Variants in CD28 observed in about 807,000 individuals in gnomAD.
CD28 encodes the protein CD28 molecule, also known as T-cell-specific surface glycoprotein CD28.
Under a neutral mutation model 21.4 loss-of-function variants are expected in CD28, and 8 were observed. The observed-to-expected ratio is 0.37, with a 90% CI of 0.22 to 0.68. The LOEUF is 0.68. Ranked by LOEUF, CD28 falls within the 30% of genes least tolerant of loss-of-function variation. The probability of loss-of-function intolerance (pLI) is 0.55; values close to 1 mark genes in which losing one functional copy is unlikely to be tolerated. For synonymous variants in CD28, 106 were observed against 104.0 expected, an observed-to-expected ratio of 1.02 and a Z score of -0.12; for missense variants, 239 against 272.2, an observed-to-expected ratio of 0.88 and a Z score of 0.86.
chr2:203,726,725 A>AG lies in CD28; in HGVS notation c.148dup (p.Glu50GlyfsTer12). 4 of 1,614,128 alleles carry AG rather than the reference A, an allele frequency of 2.5e-6. No homozygotes were observed. The highest frequency in any genetic ancestry group is 3.4e-6 in the Non-Finnish European group (4 of 1,180,008). On this transcript the variant is annotated frameshift_variant, in exon 2 of 4. Transcript: ENST00000324106. LOFTEE classifies it high-confidence loss of function. Reference sequence around the variant, plus strand: ...CAAGTATTCCTACAATCTCTTCTCAAGGGAGTTCCGGGCATCCCTTCACAA... The same window carrying AG: ...CAAGTATTCCTACAATCTCTTCTCAAGGGGAGTTCCGGGCATCCCTTCACAA...
chr2:203,729,873 A>G (rs924393461), intron 3 of CD28, 101 bp downstream of exon 3: 28 of 1,194,534 alleles, frequency 2.3e-5, no homozygotes, highest in Non-Finnish European at 2.6e-5. Context: ...TGTTTAATAT[A>G]GGATGATGAT....
chr2:203,725,588 T>A (rs906258126), intron 1 of CD28, among the ~76,000 whole-genome samples: 4 of 152,200 alleles, frequency 2.6e-5, no homozygotes, highest in Non-Finnish European at 5.9e-5. Flanking sequence ...GATAAACTAG[T>A]TTCAGGTTCT....
At chr2:203,715,035 C>A (rs1693429074) in intron 1 of CD28, among the ~76,000 whole-genome samples, 1 of 152,126 alleles carries the variant, frequency 6.6e-6, no homozygotes, top group Non-Finnish European at 1.5e-5. Context: ...GTGATTTAGG[C>A]AGAATGGAAC....
chr2:203,710,375 A>G (rs1693280479), intron 1 of CD28, among the ~76,000 whole-genome samples: 1 of 152,250 alleles, frequency 6.6e-6, no homozygotes, highest in Non-Finnish European at 1.5e-5. Flanking sequence ...CAAAATTAAT[A>G]TCAATATATC....
intron 1 of CD28, among the ~76,000 whole-genome samples, chr2:203,718,739 C>T (rs1251844465): frequency 1.3e-5 from 2 of 152,066 alleles, no homozygotes; most frequent in Non-Finnish European, 1.5e-5. Flanking sequence ...TATGGTGCTA[C>T]GATAAAGAAA....
At chr2:203,710,347 C>T (rs751929578) in intron 1 of CD28, among the ~76,000 whole-genome samples, 4 of 152,170 alleles carry the variant, frequency 2.6e-5, no homozygotes, top group East Asian at 1.9e-4. Flanking sequence ...CCAGCAAGGA[C>T]GTTTACAGCA....
upstream of CD28, chr2:203,706,580 G>A: frequency 6.3e-7 from 1 of 1,591,532 alleles, no homozygotes; most frequent in Non-Finnish European, 8.6e-7. Context: ...TGGCGGTGGT[G>A]GTGGCCGTGG....
chr2:203,706,792 G>T lies in CD28; in HGVS notation c.52+44G>T, dbSNP rs767599444. On this transcript the variant is annotated intron_variant, in intron 1 of 3. Transcript: ENST00000324106. ...TTTCTTTCTGTAAATATTTTTTGAG[G>T]TCTTCCAATTGGCTTAGTTTATTTT... 2.8e-6 allele frequency: 4 copies of T among 1,438,484 alleles called. No individual in the cohort carries two copies. In the South Asian group the frequency reaches 3.5e-5, roughly 12 times the overall value. The allele number at this position is 1,438,484 out of a possible 1,614,324, so 89.1% of individuals were successfully genotyped here.
At chr2:203,724,210 T>C (rs1693681347) in intron 1 of CD28, among the ~76,000 whole-genome samples, 1 of 152,130 alleles carries the variant, frequency 6.6e-6, no homozygotes, top group Admixed American at 6.5e-5. Flanking sequence ...AGATCAGTGG[T>C]TTCCAGGGAT....
chr2:203,708,104 C>T (rs1231060120), intron 1 of CD28, among the ~76,000 whole-genome samples: 6 of 152,132 alleles, frequency 3.9e-5, no homozygotes, highest in Non-Finnish European at 7.4e-5. Flanking sequence ...TTTGGCAGTA[C>T]AGAGACTGCA....
At position 203,726,829 on chromosome 2, in the gene CD28, G is replaced by A. The variant is rs201090295; in HGVS notation, c.249G>A (p.Gly83=). 17 of 1,614,034 alleles carry A rather than the reference G, an allele frequency of 1.1e-5. No homozygotes were observed. In the Admixed American group the frequency reaches 1.5e-4, roughly 14 times the overall value. The part of the protein sequence containing the change: ...SQQLQVYSKT[G]FNCDGKLGNE... ...AGCTTCAGGTTTACTCAAAAACGGGGTTCAACTGTGATGGGAAATTGGGCA... is the reference window on the plus strand; with the variant it reads ...AGCTTCAGGTTTACTCAAAAACGGGATTCAACTGTGATGGGAAATTGGGCA... Residue 83 remains glycine (G), a synonymous_variant, in exon 2 of 4, where the codon GGG becomes GGA. Coordinates refer to ENST00000324106, the MANE Select transcript of CD28 (RefSeq NM_006139.4).
At chr2:203,734,003 C>G (rs1246305875) in intron 3 of CD28, among the ~76,000 whole-genome samples, 1 of 152,196 alleles carries the variant, frequency 6.6e-6, no homozygotes, top group Admixed American at 6.5e-5. Context: ...GTGCCAGGAA[C>G]TAGGCACTTT....
At chr2:203,708,562 A>G (rs961630944) in intron 1 of CD28, among the ~76,000 whole-genome samples, 3 of 152,228 alleles carry the variant, frequency 2.0e-5, no homozygotes, top group African/African-American at 4.8e-5. Context: ...AGTTTTTGGT[A>G]AGACTCAAAA....
At chr2:203,725,293 G>A (rs1311003932) in intron 1 of CD28, among the ~76,000 whole-genome samples, 11 of 142,624 alleles carry the variant, frequency 7.7e-5, no homozygotes, top group Non-Finnish European at 1.2e-4. Flanking sequence ...TCCGTCTCCA[G>A]AAAAAAAAAA....
At chr2:203,727,464 T>A (rs972466340) in intron 2 of CD28, among the ~76,000 whole-genome samples, 1 of 151,114 alleles carries the variant, frequency 6.6e-6, no homozygotes, top group Non-Finnish European at 1.5e-5. Flanking sequence ...CTTCCTTCCT[T>A]CCTTTTCTTT....
intron 1 of CD28, among the ~76,000 whole-genome samples, chr2:203,711,479 A>G (rs2106108782): frequency 6.6e-6 from 1 of 152,322 alleles, no homozygotes; most frequent in East Asian, 1.9e-4. Context: ...AAGGTGGTGG[A>G]GAAGTTCTTA....
chr2:203,709,967 T>A (rs1693266769), intron 1 of CD28, among the ~76,000 whole-genome samples: 3 of 152,210 alleles, frequency 2.0e-5, no homozygotes, highest in Admixed American at 2.0e-4. Flanking sequence ...GGAAAATAAC[T>A]GACATTTAAT....
chr2:203,722,838 G>A (rs191766807), intron 1 of CD28, among the ~76,000 whole-genome samples: 1 of 152,326 alleles, frequency 6.6e-6, no homozygotes, highest in East Asian at 1.9e-4. Context: ...CTGTTCTTGG[G>A]ATGTTGGCTT....
rs557846774 is a variant in CD28, at chr2:203,715,681, GA to G, written c.52+8935del. Among the ~76,000 whole-genome samples the G allele has an allele frequency of 3.9e-5, 6 of 152,146 alleles. No homozygotes were observed. The South Asian group carries it at 1.0e-3, about 26-fold the overall frequency. On this transcript the variant is annotated intron_variant, in intron 1 of 3. Coordinates refer to ENST00000324106, the MANE Select transcript of CD28 (RefSeq NM_006139.4). ...ATTTCTATCCCCAACTGGCTTCCTC[GA>G]ACTCTAGTCCTATACTTCTAACTCC...
Sources: allele counts gnomAD v4.1 joint callset (sites outside exome capture counted in the v4.1 genomes callset), GRCh38; gene constraint gnomAD v4.1.1; transcripts MANE v1.5; gene names NCBI Gene and HGNC (gene_info 2026-07-23, HGNC 2026-07-21).